Variants in PRKCE observed in about 807,000 individuals in gnomAD.
PRKCE encodes the protein protein kinase C epsilon, also known as protein kinase C epsilon type.
PRKCE carries 16 observed loss-of-function variants against 85.4 expected under a neutral mutation model. The ratio of observed to expected loss-of-function variants is 0.19; its 90% CI spans 0.13 to 0.28. The LOEUF is 0.28. Among genes scored for constraint, PRKCE ranks in the 10% least tolerant of loss-of-function variants. PRKCE has a pLI of 1.00. For missense variants in PRKCE, 573 were observed against 975.2 expected, an observed-to-expected ratio of 0.59 and a Z score of 5.49; for synonymous variants, 388 against 371.5, an observed-to-expected ratio of 1.04 and a Z score of -0.51.
chr2:45,787,990 T>A (rs1312223026), intron 1 of PRKCE, among the ~76,000 whole-genome samples: 1 of 152,192 alleles, frequency 6.6e-6, no homozygotes, highest in African/African-American at 2.4e-5. Context: ...AAGCTTGGAG[T>A]ACCCTGTGTG....
At chr2:46,137,731 C>A (rs995847316) in intron 11 of PRKCE, among the ~76,000 whole-genome samples, 3 of 150,764 alleles carry the variant, frequency 2.0e-5, no homozygotes, top group Admixed American at 2.0e-4. Flanking sequence ...GCACTCTAGT[C>A]TGGACAACAG....
At chr2:45,752,824 T>G (rs1170842786) in intron 1 of PRKCE, among the ~76,000 whole-genome samples, 1 of 152,176 alleles carries the variant, frequency 6.6e-6, no homozygotes, top group Non-Finnish European at 1.5e-5. Flanking sequence ...GACAGAGTAC[T>G]CCGTGGGGTT....
intron 10 of PRKCE, among the ~76,000 whole-genome samples, chr2:46,064,430 A>G (rs1398584642): frequency 4.6e-5 from 7 of 152,336 alleles, no homozygotes; most frequent in African/African-American, 1.7e-4. Context: ...TGGCAATCCC[A>G]AATTAATCAG....
At chr2:46,024,819 C>G (rs1706971509) in intron 10 of PRKCE, among the ~76,000 whole-genome samples, 1 of 152,098 alleles carries the variant, frequency 6.6e-6, no homozygotes, top group Non-Finnish European at 1.5e-5. Context: ...ATCCAACCTC[C>G]TTTATCAAGC....
intron 2 of PRKCE, among the ~76,000 whole-genome samples, chr2:45,970,157 C>T (rs555792417): frequency 6.6e-6 from 1 of 152,330 alleles, no homozygotes; most frequent in South Asian, 2.1e-4. Context: ...AACATGTCAA[C>T]TGGCATTGCC....
chr2:45,867,426 A>G (rs1196365070), intron 2 of PRKCE, among the ~76,000 whole-genome samples: 3 of 152,210 alleles, frequency 2.0e-5, no homozygotes, highest in Non-Finnish European at 4.4e-5. Flanking sequence ...GGTTATTTGT[A>G]TTTTACCTGG....
intron 2 of PRKCE, among the ~76,000 whole-genome samples, chr2:45,849,406 T>C (rs7561544): frequency 0.77 from 117,064 of 151,928 alleles, 45,210 homozygotes; most frequent in Admixed American, 0.82. Context: ...ATAGCAATCC[T>C]TCTGCCATCC....
At chr2:45,830,513 G>A (rs1382299570) in intron 1 of PRKCE, among the ~76,000 whole-genome samples, 2 of 152,182 alleles carry the variant, frequency 1.3e-5, no homozygotes, top group Non-Finnish European at 2.9e-5. Context: ...GAGACATAAG[G>A]ATCATTCCTA....
At chr2:46,018,760 T>C (rs1014474815) in intron 10 of PRKCE, among the ~76,000 whole-genome samples, 3 of 152,274 alleles carry the variant, frequency 2.0e-5, no homozygotes, top group African/African-American at 7.2e-5. Context: ...TATCATACTC[T>C]ATGTAAACTG....
chr2:46,062,046 G>C (rs1309954701), intron 10 of PRKCE, among the ~76,000 whole-genome samples: 2 of 151,678 alleles, frequency 1.3e-5, no homozygotes, highest in Non-Finnish European at 2.9e-5. Context: ...ACTTTTAGTA[G>C]AGACAGGGTT....
chr2:45,787,802 G>A (rs1686724291), intron 1 of PRKCE, among the ~76,000 whole-genome samples: 1 of 152,212 alleles, frequency 6.6e-6, no homozygotes, highest in East Asian at 1.9e-4. Flanking sequence ...TCTGGGTAGT[G>A]GGATGTATGA....
intron 6 of PRKCE, among the ~76,000 whole-genome samples, chr2:45,991,169 G>A (rs1703763452): frequency 6.6e-6 from 1 of 151,048 alleles, no homozygotes; most frequent in South Asian, 2.1e-4. Flanking sequence ...ACCACGCCCG[G>A]CAAATTTTTA....
chr2:46,000,074 C>T lies in PRKCE; in HGVS notation c.824-1330C>T, dbSNP rs531694312. ...GTTTTAAATTCCCAGTCAGATAATT[C>T]CAGCATCCCTGCTATATCTGAGTCT... On this transcript the variant is annotated intron_variant, in intron 6 of 14. Coordinates refer to ENST00000306156, the MANE Select transcript of PRKCE (RefSeq NM_005400.3). 4.6e-5 allele frequency among the ~76,000 whole-genome samples: 7 copies of T among 152,192 alleles called. No homozygotes were observed. In the East Asian group the frequency reaches 1.3e-3, roughly 29 times the overall value.
At chr2:46,142,841 G>C (rs1675690496) in intron 11 of PRKCE, among the ~76,000 whole-genome samples, 1 of 152,270 alleles carries the variant, frequency 6.6e-6, no homozygotes, top group Non-Finnish European at 1.5e-5. Flanking sequence ...CAAGGTTCAA[G>C]CTGGCTTGGA....
At chr2:46,047,267 T>C (rs943945811) in intron 10 of PRKCE, among the ~76,000 whole-genome samples, 1 of 152,072 alleles carries the variant, frequency 6.6e-6, no homozygotes, top group East Asian at 1.9e-4. Flanking sequence ...AGAAAAAGAG[T>C]ACAGGAAATC....
intron 10 of PRKCE, among the ~76,000 whole-genome samples, chr2:46,053,032 G>T (rs115494869): frequency 6.6e-6 from 1 of 152,216 alleles, no homozygotes; most frequent in African/African-American, 2.4e-5. Context: ...GTGAACTTAC[G>T]GATGAGAAAG....
intron 11 of PRKCE, among the ~76,000 whole-genome samples, chr2:46,100,910 C>A (rs1415399516): frequency 1.3e-5 from 2 of 151,930 alleles, no homozygotes; most frequent in African/African-American, 2.4e-5. Context: ...GCTCTGTCAC[C>A]CATGCTGGAG....
At chr2:46,049,718 A>G (rs1262076504) in intron 10 of PRKCE, among the ~76,000 whole-genome samples, 1 of 151,762 alleles carries the variant, frequency 6.6e-6, no homozygotes, top group African/African-American at 2.4e-5. Context: ...CGTAAATCCC[A>G]CCTCTTCTAG....
At chr2:46,077,174 C>A (rs1668631966) in intron 10 of PRKCE, among the ~76,000 whole-genome samples, 2 of 151,782 alleles carry the variant, frequency 1.3e-5, no homozygotes, top group African/African-American at 4.8e-5. Flanking sequence ...CGTGCACACA[C>A]ACACACACAC....
Sources: allele counts gnomAD v4.1 joint callset (sites outside exome capture counted in the v4.1 genomes callset), GRCh38; gene constraint gnomAD v4.1.1; transcripts MANE v1.5; gene names NCBI Gene and HGNC (gene_info 2026-07-23, HGNC 2026-07-21).